SEM1: variants seen among roughly 807,000 people sequenced by gnomAD.
SEM1 encodes 26S proteasome complex subunit SEM1.
SEM1 carries 3 observed loss-of-function variants against 12.7 expected under a neutral mutation model. The observed-to-expected ratio is 0.24, with a 90% confidence interval of 0.11 to 0.61. SEM1 has a LOEUF of 0.61. Among genes scored for constraint, SEM1 ranks in the 20% least tolerant of loss-of-function variants. The pLI is 0.88. For synonymous variants in SEM1, 30 were observed against 27.8 expected, an observed-to-expected ratio of 1.08 and a Z score of -0.25; for missense variants, 59 against 81.3, an observed-to-expected ratio of 0.73 and a Z score of 1.06.
chr7:96,691,778 C>A (rs372574110), intron 2 of SEM1, among the ~76,000 whole-genome samples: 2 of 152,142 alleles, frequency 1.3e-5, no homozygotes, highest in Non-Finnish European at 2.9e-5. Context: ...AAATTCAGTC[C>A]CTTAGCTGTG....
In SEM1 at chr7:96,486,152, A is replaced by AT. The variant is rs533723306; in HGVS notation, c.227+50dup. ...CTGGTGTCAAAGACTTAGAGAGTTA[A>AT]TTTTTTTTCTACCTTTTTTTTTTTT... is the stretch of plus-strand genomic sequence containing the variant. On this transcript the variant is annotated intron_variant, in intron 2 of 3. Coordinates refer to the SEM1 transcript ENST00000356686. 8.6e-6 allele frequency: 12 copies of AT among 1,396,962 alleles called. 1 individual carries two copies. Among genetic ancestry groups the AT allele is most frequent in the African/African-American group, 1.5e-5 (1 of 68,348 alleles). The allele number at this position is 1,396,962 out of a possible 1,614,324, so 86.5% of individuals were successfully genotyped here. A position where few individuals can be genotyped will look rare whatever the true frequency, so the allele number is the denominator to read the frequency against.
At chr7:96,588,467 A>T (rs928915517) in intron 2 of SEM1, among the ~76,000 whole-genome samples, 1 of 148,270 alleles carries the variant, frequency 6.7e-6, no homozygotes, top group African/African-American at 2.4e-5. Context: ...TGACAACATT[A>T]GGTTTGACAT....
intron 2 of SEM1, among the ~76,000 whole-genome samples, chr7:96,614,839 T>C (rs975422271): frequency 1.3e-5 from 2 of 152,006 alleles, no homozygotes; most frequent in African/African-American, 4.8e-5. Flanking sequence ...TGTGCACACA[T>C]ATGTGCACAC....
intron 2 of SEM1, among the ~76,000 whole-genome samples, chr7:96,648,770 A>AT (rs2116433787): frequency 1.3e-5 from 2 of 152,330 alleles, no homozygotes; most frequent in South Asian, 4.1e-4. Flanking sequence ...CCAAACTGCA[A>AT]TTTTTTGCAA....
chr7:96,520,584 C>T (rs1485376026), intron 2 of SEM1, among the ~76,000 whole-genome samples: 1 of 152,130 alleles, frequency 6.6e-6, no homozygotes, highest in African/African-American at 2.4e-5. Context: ...TCTCTTCCTC[C>T]TTCTCCTTGG....
At chr7:96,699,449 A>G (rs1236778622) in intron 1 of SEM1, among the ~76,000 whole-genome samples, 1 of 152,198 alleles carries the variant, frequency 6.6e-6, no homozygotes, top group Non-Finnish European at 1.5e-5. Context: ...CAAACAAAAC[A>G]TTTTAAAAAC....
chr7:96,581,236 C>G (rs1282750820), intron 2 of SEM1, among the ~76,000 whole-genome samples: 1 of 152,076 alleles, frequency 6.6e-6, no homozygotes, highest in African/African-American at 2.4e-5. Flanking sequence ...GAATCCTTTC[C>G]CCATTGCTTG....
intron 2 of SEM1, among the ~76,000 whole-genome samples, chr7:96,661,988 CAAAAAAAAAA>C (rs890732912): frequency 2.8e-5 from 1 of 36,046 alleles, no homozygotes; most frequent in African/African-American, 9.0e-5. Flanking sequence ...AACTCCGTCT[CAAAAAAAAAA>C]AAAAAAAAAA....
chr7:96,551,357 T>G (rs1805264427), intron 2 of SEM1, among the ~76,000 whole-genome samples: 1 of 152,004 alleles, frequency 6.6e-6, no homozygotes, highest in South Asian at 2.1e-4. Flanking sequence ...GACAAGATAA[T>G]TCTGTATTAT....
rs188734932 is a variant in SEM1, at chr7:96,556,085, G to A, written c.171-49387C>T. ...CTTTTATTTTGAGCCTATGGGTGTC[G>A]CTGCACGTGAGATGGGTTTCCTGAA... On this transcript the variant is annotated intron_variant and NMD_transcript_variant, in intron 2 of 3. Coordinates refer to the SEM1 transcript ENST00000466986. 9.9e-5 allele frequency among the ~76,000 whole-genome samples: 15 copies of A among 152,064 alleles called. No individual in the cohort carries two copies. In the South Asian group the frequency reaches 1.5e-3, roughly 15 times the overall value.
chr7:96,513,856 G>T (rs1804006839), intron 2 of SEM1, among the ~76,000 whole-genome samples: 1 of 151,916 alleles, frequency 6.6e-6, no homozygotes, highest in Admixed American at 6.6e-5. Flanking sequence ...TTATAAAAAT[G>T]AGATTATACC....
intron 2 of SEM1, among the ~76,000 whole-genome samples, chr7:96,594,202 G>A (rs1584793435): frequency 6.6e-6 from 1 of 152,184 alleles, no homozygotes; most frequent in Non-Finnish European, 1.5e-5. Context: ...GCAGATTTAT[G>A]CATTTGCAAC....
At chr7:96,507,156 G>A (rs1344560131) in intron 2 of SEM1, among the ~76,000 whole-genome samples, 3 of 151,978 alleles carry the variant, frequency 2.0e-5, no homozygotes, top group Admixed American at 2.0e-4. Flanking sequence ...GTGGTATGTG[G>A]CAAAGCAGTA....
chr7:96,626,467 A>G (rs1382275522), intron 2 of SEM1, among the ~76,000 whole-genome samples: 2 of 151,936 alleles, frequency 1.3e-5, no homozygotes, highest in Non-Finnish European at 2.9e-5. Context: ...TATGGCTTTT[A>G]TTATGTTAAG....
intron 2 of SEM1, among the ~76,000 whole-genome samples, chr7:96,648,615 G>A (rs1808874697): frequency 6.6e-6 from 1 of 152,174 alleles, no homozygotes; most frequent in Non-Finnish European, 1.5e-5. Context: ...GTTAGAGAGA[G>A]AATACTGTAG....
At chr7:96,577,668 T>C (rs1806250912) in intron 2 of SEM1, among the ~76,000 whole-genome samples, 1 of 152,056 alleles carries the variant, frequency 6.6e-6, no homozygotes, top group African/African-American at 2.4e-5. Context: ...TAATTTGAAC[T>C]GGTTCTGGTT....
chr7:96,584,158 G>C (rs1398649772), intron 2 of SEM1, among the ~76,000 whole-genome samples: 1 of 152,006 alleles, frequency 6.6e-6, no homozygotes, highest in African/African-American at 2.4e-5. Flanking sequence ...TTTTGGGTAG[G>C]CCTGGTGGTG....
intron 2 of SEM1, among the ~76,000 whole-genome samples, chr7:96,548,540 T>G (rs1456851712): frequency 6.6e-6 from 1 of 152,132 alleles, no homozygotes; most frequent in Non-Finnish European, 1.5e-5. Flanking sequence ...TAGAACTGTA[T>G]TATTTGCTCC....
chr7:96,505,569 T>A (rs1803730850), intron 3 of SEM1, among the ~76,000 whole-genome samples: 1 of 152,178 alleles, frequency 6.6e-6, no homozygotes, highest in South Asian at 2.1e-4. Context: ...ATTTTGTTGC[T>A]ATTTTAGTCT....
Sources: gnomAD v4.1 joint callset for allele counts (sites outside exome capture counted in the v4.1 genomes callset) on GRCh38, gnomAD v4.1.1 for gene constraint, MANE v1.5 for transcripts, NCBI Gene and HGNC (gene_info 2026-07-23, HGNC 2026-07-21) for gene names.